The following CPNE5 variants were observed in gnomAD, a reference collection of about 807,000 sequenced individuals.
The protein encoded by CPNE5 is copine 5.
A neutral mutation model predicts 81.1 loss-of-function variants in CPNE5; 42 were observed. The ratio of observed to expected loss-of-function variants is 0.52; its 90% CI spans 0.40 to 0.67. CPNE5 has a LOEUF of 0.67. Among genes scored for constraint, CPNE5 ranks in the 30% least tolerant of loss-of-function variants. CPNE5 has a pLI of 0.00. For missense variants in CPNE5, 612 were observed against 815.5 expected, an observed-to-expected ratio of 0.75 and a Z score of 3.04; for synonymous variants, 313 against 321.5, an observed-to-expected ratio of 0.97 and a Z score of 0.28.
At chr6:36,805,313 CAG>C (rs534885582) in intron 3 of CPNE5, among the ~76,000 whole-genome samples, 155 of 152,380 alleles carry the variant, frequency 1.0e-3, no homozygotes, top group Middle Eastern at 3.4e-3. Flanking sequence ...ACCCGTAATA[CAG>C]AGCGCAGCCA....
chr6:36,806,190 A>G (rs1387368713), intron 3 of CPNE5, among the ~76,000 whole-genome samples: 18 of 152,102 alleles, frequency 1.2e-4, no homozygotes. Flanking sequence ...GAGGCTGGAG[A>G]GTCTCGGGCT....
chr6:36,749,225 C>G (rs929729241), intron 14 of CPNE5, among the ~76,000 whole-genome samples: 2 of 152,022 alleles, frequency 1.3e-5, no homozygotes, highest in African/African-American at 4.8e-5. Flanking sequence ...TGTGAGCCAC[C>G]ACATCTGGCT....
chr6:36,831,117 C>T (rs1772950920), intron 1 of CPNE5, among the ~76,000 whole-genome samples: 1 of 152,058 alleles, frequency 6.6e-6, no homozygotes, highest in African/African-American at 2.4e-5. Flanking sequence ...TGCAGTGGTG[C>T]AATCTCAGCT....
At chr6:36,782,861 AC>A (rs1768160608) in intron 8 of CPNE5, among the ~76,000 whole-genome samples, 3 of 151,002 alleles carry the variant, frequency 2.0e-5, no homozygotes, top group Non-Finnish European at 3.0e-5. Flanking sequence ...ACACACACAC[AC>A]ACACACAAAA....
At chr6:36,756,095 C>G in intron 13 of CPNE5, 150 bp downstream of exon 13, 2 of 572,346 alleles carry the variant, frequency 3.5e-6, no homozygotes, top group Non-Finnish European at 6.2e-6. Context: ...CTCCATCTGC[C>G]CCACCCCTCC....
At chr6:36,838,090 G>C (rs915821474) in intron 1 of CPNE5, among the ~76,000 whole-genome samples, 8 of 152,152 alleles carry the variant, frequency 5.3e-5, no homozygotes, top group African/African-American at 1.9e-4. Flanking sequence ...TTATCCCCAA[G>C]TCTTCAAGAG....
chr6:36,746,257 A>G lies in CPNE5; in HGVS notation c.1200+139T>C. The G allele has an allele frequency of 7.0e-7, 1 of 1,419,786 alleles. No homozygotes were observed. Among genetic ancestry groups the G allele is most frequent in the Non-Finnish European group, 9.2e-7 (1 of 1,090,886 alleles). 87.9% of individuals were successfully genotyped at this position (1,419,786 alleles called of 1,614,324 possible). ...GAGTGGATTTCTGGAGCCCCCCTAC[A>G]CACAGCAGGCAGTCTACCTCCACTG... is the stretch of plus-strand genomic sequence containing the variant. On this transcript the variant is annotated intron_variant, in intron 16 of 20. Coordinates refer to ENST00000244751, the MANE Select transcript of CPNE5 (RefSeq NM_020939.2). The surrounding 1 kb of genome is among the most constrained non-coding windows in gnomAD (Gnocchi z 4.5).
At position 36,747,112 on chromosome 6, in the gene CPNE5, A is replaced by G. The variant is rs422785; in HGVS notation, c.1019-535T>C. On this transcript the variant is annotated intron_variant, in intron 15 of 20. Transcript: ENST00000244751. The stretch of plus-strand genomic sequence containing the variant: ...CCCTCTACCTGGGACACTCTTCCCC[A>G]GATGTCCACTCCCTGGCCCGCTCCC... 1.4e-3 allele frequency among the ~76,000 whole-genome samples: 206 copies of G among 152,094 alleles called. 1 individual carries two copies. Among genetic ancestry groups the G allele is most frequent in the African/African-American group, 4.9e-3 (203 of 41,482 alleles).
At chr6:36,768,225 CTTTTTTTTTTTTT>C (rs10586762) in intron 10 of CPNE5, among the ~76,000 whole-genome samples, 4 of 60,496 alleles carry the variant, frequency 6.6e-5, no homozygotes, top group Non-Finnish European at 1.2e-4. Flanking sequence ...ATTCACAGTT[CTTTTTTTTTTTTT>C]TTTTTTTTTT....
chr6:36,743,872 A>G, intron 19 of CPNE5, 110 bp from the exon 20 acceptor site: 1 of 937,660 alleles, frequency 1.1e-6, no homozygotes, highest in Non-Finnish European at 1.7e-6. Context: ...GGCCGAGACC[A>G]CTGGCCCATG....
chr6:36,772,566 C>T (rs970353324), intron 10 of CPNE5, among the ~76,000 whole-genome samples: 4 of 152,204 alleles, frequency 2.6e-5, no homozygotes, highest in African/African-American at 7.2e-5. Flanking sequence ...GATGGGAAGG[C>T]GACCCTGTTC....
At chr6:36,832,007 G>A (rs553306986) in intron 1 of CPNE5, among the ~76,000 whole-genome samples, 1 of 152,300 alleles carries the variant, frequency 6.6e-6, no homozygotes, top group East Asian at 1.9e-4. Flanking sequence ...TTACTATGAG[G>A]TCTGTGTGAG....
rs1349624673 is a variant in CPNE5 at position 36,839,369 on chromosome 6, C to T, written c.9G>A (p.Gln3=). 2 of 1,548,440 alleles carry T rather than the reference C, an allele frequency of 1.3e-6. No homozygotes were observed. The highest frequency in any genetic ancestry group is 1.7e-6 in the Non-Finnish European group (2 of 1,145,168). The change falls in exon 1 of 21, where the codon CAG becomes CAA. Residue 3 remains glutamine (Q), a synonymous_variant. Coordinates refer to ENST00000244751, the MANE Select transcript of CPNE5 (RefSeq NM_020939.2). The surrounding 1 kb of genome is among the most constrained non-coding windows in gnomAD (Gnocchi z 7.3). ME[Q]PEDMASLSEF... is the part of the protein sequence containing the mutation. ...CGCTCAGCGACGCCATGTCCTCAGG[C>T]TGCTCCATCGCCCACCGCACCCCCC...
intron 11 of CPNE5, among the ~76,000 whole-genome samples, chr6:36,764,289 G>A (rs1359810854): frequency 6.6e-6 from 1 of 152,104 alleles, no homozygotes; most frequent in African/African-American, 2.4e-5. Flanking sequence ...CAATGAAGCT[G>A]ACTGTGAGGT....
At position 36,823,056 on chromosome 6, in the gene CPNE5, AC is replaced by A; in HGVS notation, c.136+1del. 1 of 1,574,584 alleles carries A rather than the reference AC, an allele frequency of 6.4e-7. No homozygotes were observed. Among genetic ancestry groups the A allele is most frequent in the Non-Finnish European group, 8.6e-7 (1 of 1,158,696 alleles). Reference sequence around the variant, plus strand: ...CGTTCTTATTGTCAGAGCAGGACTTACGTGGGTCGGACTTGGAAAACATGTC... The same window carrying A: ...CGTTCTTATTGTCAGAGCAGGACTTAGTGGGTCGGACTTGGAAAACATGTC... On this transcript the variant is annotated splice_donor_variant, in intron 2 of 20. Transcript: ENST00000244751. LOFTEE classifies it high-confidence loss of function.
Position 36,744,168 on chromosome 6 carries a change from T to C in CPNE5, c.1489+100A>G, listed in dbSNP as rs1402467713. The C allele has an allele frequency of 1.4e-5, 14 of 983,330 alleles. 1 individual carries two copies. Among genetic ancestry groups the C allele is most frequent in the African/African-American group, 4.8e-5 (3 of 62,286 alleles). The allele number at this position is 983,330 out of a possible 1,614,324, so 60.9% of individuals were successfully genotyped here. On this transcript the variant is annotated intron_variant, in intron 19 of 20. Transcript: ENST00000244751. Reference sequence around the variant, plus strand: ...GGAGCTCTCACTCTTTTGGGAGGGGTCATTCCCAGGGGACCACAGCCTCTG... The same window carrying C: ...GGAGCTCTCACTCTTTTGGGAGGGGCCATTCCCAGGGGACCACAGCCTCTG...
chr6:36,745,467 C>G lies in CPNE5; in HGVS notation c.1249G>C (p.Glu417Gln). Reference sequence around the variant, plus strand: ...GTGCGCAGGCTGCGGTGGTAGGCCTCCAGGATGCCGTCGATGCCACAGCAT... The same window carrying G: ...GTGCGCAGGCTGCGGTGGTAGGCCTGCAGGATGCCGTCGATGCCACAGCAT... Reference protein sequence around the residue: ...PSCCGIDGILEAYHRSLRTVQ... With the variant: ...PSCCGIDGILQAYHRSLRTVQ... Residue 417 changes from glutamate to glutamine, a missense_variant, in exon 17 of 21, where the codon GAG (glutamate) becomes CAG (glutamine). Glu to Gln is a conservative substitution (Grantham distance 29). Coordinates refer to ENST00000244751, the MANE Select transcript of CPNE5 (RefSeq NM_020939.2). 6.2e-7 allele frequency: 1 copy of G among 1,602,130 alleles called. No homozygotes were observed.
chr6:36,779,452 C>T (rs145598862), intron 8 of CPNE5, among the ~76,000 whole-genome samples: 3 of 152,320 alleles, frequency 2.0e-5, no homozygotes, highest in African/African-American at 7.2e-5. Flanking sequence ...CTGCAAGCCC[C>T]AAAGCCCTCT....
intron 2 of CPNE5, 73 bp downstream of exon 2, chr6:36,822,985 C>A: frequency 1.5e-6 from 2 of 1,333,812 alleles, no homozygotes; most frequent in South Asian, 3.3e-5. Flanking sequence ...AGTAAGGGCT[C>A]AAGCATTGCC....
Sources: gnomAD v4.1 joint callset for allele counts (sites outside exome capture counted in the v4.1 genomes callset) on GRCh38, gnomAD v4.1.1 for gene constraint, Gnocchi (gnomAD v3.1) non-coding constraint, MANE v1.5 for transcripts, NCBI Gene and HGNC (gene_info 2026-07-23, HGNC 2026-07-21) for gene names.